WDHD1: variants seen among roughly 807,000 people sequenced by gnomAD.
WDHD1 encodes the protein WD repeat and HMG-box DNA binding protein 1.
A neutral mutation model predicts 135.4 loss-of-function variants in WDHD1; 111 were observed. The observed-to-expected ratio is 0.82, with a 90% CI of 0.70 to 0.96. The LOEUF is 0.96. Ranked by LOEUF, WDHD1 falls within the 40% of genes least tolerant of loss-of-function variation. The pLI, the probability that WDHD1 is intolerant of heterozygous loss-of-function variation, is 0.00. For synonymous variants in WDHD1, 434 were observed against 439.0 expected (o/e 0.99, Z 0.14); for missense variants, 1,351 against 1,336.3 (o/e 1.01, Z -0.17).
intron 11 of WDHD1, among the ~76,000 whole-genome samples, chr14:54,995,038 T>C (rs1460078804): frequency 1.3e-5 from 2 of 152,188 alleles, no homozygotes; most frequent in Admixed American, 6.6e-5. Flanking sequence ...TGGCATGCAG[T>C]TGACGCGATC....
Position 54,955,482 on chromosome 14 carries a change from A to AGCTGTT in WDHD1, c.3050+78_3050+79insAACAGC, listed in dbSNP as rs2041137234. On this transcript the variant is annotated intron_variant, in intron 24 of 25. Coordinates refer to ENST00000360586, the MANE Select transcript of WDHD1 (RefSeq NM_007086.4). ...TGTATTATTTGTATTAAGGAATAAC[A>AGCTGTT]GCATTGCATAATTTTGTATTGCTGC... The AGCTGTT allele has an allele frequency of 6.0e-6, 8 of 1,338,528 alleles. No individual in the cohort carries two copies. In the South Asian group the frequency reaches 1.8e-4, roughly 31 times the overall value. 82.9% of individuals were successfully genotyped at this position (1,338,528 alleles called of 1,614,324 possible).
rs529196091 is a variant in WDHD1, at chr14:55,011,893, C to T, written c.190-1433G>A. On this transcript the variant is annotated intron_variant, in intron 3 of 25. Coordinates refer to ENST00000360586, the MANE Select transcript of WDHD1 (RefSeq NM_007086.4). ...ACCCTTCAATTGTTTCCGACATTTGCTATTGTTATGAATTGTGCTTTTACT... is the reference window on the plus strand; with the variant it reads ...ACCCTTCAATTGTTTCCGACATTTGTTATTGTTATGAATTGTGCTTTTACT... Among the ~76,000 whole-genome samples the T allele has an allele frequency of 7.2e-5, 11 of 152,072 alleles. No individual in the cohort carries two copies. In the East Asian group the frequency reaches 1.9e-3, roughly 27 times the overall value.
chr14:54,966,744 T>G, intron 17 of WDHD1, 138 bp from the exon 18 acceptor site: 3 of 1,043,660 alleles, frequency 2.9e-6, no homozygotes, highest in Non-Finnish European at 2.6e-6. Flanking sequence ...TTTTACAATT[T>G]AAATTCTAGT....
intron 2 of WDHD1, among the ~76,000 whole-genome samples, chr14:55,015,295 G>A (rs1197389875): frequency 7.1e-6 from 1 of 140,568 alleles, no homozygotes; most frequent in Non-Finnish European, 1.5e-5. Context: ...GCTGAGGCAT[G>A]AGAATCATTT....
At chr14:54,988,433 G>A (rs1198562053) in intron 13 of WDHD1, among the ~76,000 whole-genome samples, 2 of 152,158 alleles carry the variant, frequency 1.3e-5, no homozygotes, top group Non-Finnish European at 2.9e-5. Context: ...AGGGATATAA[G>A]AAAACATTTT....
Position 54,972,208 on chromosome 14 carries a change from G to A in WDHD1, c.2064-4814C>T, listed in dbSNP as rs367969433. On this transcript the variant is annotated intron_variant, in intron 16 of 25. Coordinates refer to ENST00000360586, the MANE Select transcript of WDHD1 (RefSeq NM_007086.4). ...GAGAATGGGGTGAACCCGGGAGGCGGAGCTTGCGGTGAGCCGAGATCACAC... is the reference window on the plus strand; with the variant it reads ...GAGAATGGGGTGAACCCGGGAGGCGAAGCTTGCGGTGAGCCGAGATCACAC... Among the ~76,000 whole-genome samples the A allele has an allele frequency of 2.0e-4, 30 of 150,638 alleles. No homozygotes were observed. In the East Asian group the frequency reaches 5.9e-3, roughly 30 times the overall value.
In WDHD1 at chr14:55,008,654, T is replaced by A; in HGVS notation, c.407A>T (p.Asp136Val). Residue 136 changes from aspartate (D) to valine (V), a missense_variant, in exon 5 of 26, where the codon GAT becomes GTT. This residue lies in a region of WDHD1 where 1,330 missense variants were observed against 1,296.1 expected (regional missense o/e 1.03). Coordinates refer to ENST00000360586, the MANE Select transcript of WDHD1 (RefSeq NM_007086.4). ...SSQQKTFRGH[D>V]APVLSLSFDP... ...AAAGGAAAGACTTAAAACAGGGGCA[T>A]CATGTCCTCGAAATGTTTTCTGTTG... 1 of 1,613,196 alleles carries A rather than the reference T, an allele frequency of 6.2e-7. No individual in the cohort carries two copies. The highest frequency in any genetic ancestry group is 8.5e-7 in the Non-Finnish European group (1 of 1,179,798).
chr14:55,006,431 C>T (rs1249560097), intron 7 of WDHD1, among the ~76,000 whole-genome samples: 1 of 152,096 alleles, frequency 6.6e-6, no homozygotes, highest in Non-Finnish European at 1.5e-5. Flanking sequence ...TGTTTGTATA[C>T]AGGATAACAA....
At chr14:55,002,571 A>C (rs181246781) in intron 7 of WDHD1, among the ~76,000 whole-genome samples, 2 of 152,270 alleles carry the variant, frequency 1.3e-5, no homozygotes, top group Admixed American at 1.3e-4. Context: ...CACCCAAAAA[A>C]TGGAGAACTT....
intron 21 of WDHD1, among the ~76,000 whole-genome samples, chr14:54,961,637 C>T (rs1369301871): frequency 6.6e-6 from 1 of 152,194 alleles, no homozygotes; most frequent in Non-Finnish European, 1.5e-5. Flanking sequence ...GGCTAGATGA[C>T]AGCTATGTGT....
chr14:55,009,494 G>A (rs1019138909), intron 4 of WDHD1, among the ~76,000 whole-genome samples: 5 of 151,078 alleles, frequency 3.3e-5, no homozygotes, highest in African/African-American at 4.9e-5. Context: ...ACGCAATGGC[G>A]TGATCTCAGC....
In WDHD1 at chr14:54,991,215, T is replaced by C. The variant is rs960127218; in HGVS notation, c.1339A>G (p.Met447Val). Residue 447 changes from methionine to valine, a missense_variant and splice_region_variant, in exon 12 of 26, where the codon ATG becomes GTG. By Grantham distance (21) the Met-to-Val change is conservative. Transcript: ENST00000360586. ...TTAAGTGTAGATCCAAGTCTTACCA[T>C]GAATCTGTGAGTGAGATGCAACGGT... ...STPLHLTHRF[M>V]VWNSIGIIRC... is the part of the protein sequence containing the mutation. The C allele has an allele frequency of 1.3e-6, 2 of 1,493,898 alleles. No individual in the cohort carries two copies. Among genetic ancestry groups the C allele is most frequent in the African/African-American group, 1.5e-5 (1 of 66,046 alleles). 92.5% of individuals were successfully genotyped at this position (1,493,898 alleles called of 1,614,324 possible).
chr14:55,003,163 T>C (rs966297675), intron 7 of WDHD1, among the ~76,000 whole-genome samples: 3 of 152,110 alleles, frequency 2.0e-5, no homozygotes, highest in African/African-American at 7.2e-5. Flanking sequence ...AAAAAATACA[T>C]ACTACATTTC....
chr14:54,987,439 T>C (rs1188810298), intron 13 of WDHD1, 52 bp from the exon 14 acceptor site: 7 of 1,230,156 alleles, frequency 5.7e-6, no homozygotes, highest in Middle Eastern at 2.4e-4. Context: ...GATATTTACA[T>C]ATATATATAT....
chr14:54,963,639 C>T (rs907206119), intron 18 of WDHD1, among the ~76,000 whole-genome samples: 1 of 151,998 alleles, frequency 6.6e-6, no homozygotes. Flanking sequence ...CCCGTCTCTA[C>T]TAAAAACACA....
At chr14:54,988,786 G>T (rs1044849163) in intron 13 of WDHD1, among the ~76,000 whole-genome samples, 1 of 149,922 alleles carries the variant, frequency 6.7e-6, no homozygotes, top group African/African-American at 2.5e-5. Context: ...CCCATCTCTT[G>T]CATTACTAAC....
chr14:54,983,779 A>G (rs1274992243), intron 15 of WDHD1, among the ~76,000 whole-genome samples: 3 of 152,064 alleles, frequency 2.0e-5, no homozygotes, highest in Middle Eastern at 3.2e-3. Context: ...TCGGCCTCCC[A>G]GAGTGCTGGG....
rs1325016204 is a variant in WDHD1, at chr14:55,000,586, G to A, written c.859C>T (p.Arg287Ter). Reference sequence around the variant, plus strand: ...CCTTCCGCATCAGTATACGATATTCGACCACAAGTAGGATGCCATGCCAGA... The same window carrying A: ...CCTTCCGCATCAGTATACGATATTCAACCACAAGTAGGATGCCATGCCAGA... ...CGLAWHPTCG[R>*]ISYTDAEGNL... The change falls in exon 10 of 26, where the codon CGA (arginine) becomes TGA (stop). Residue 287 changes from arginine to a stop codon, truncating the protein, a stop_gained. Transcript: ENST00000360586. LOFTEE classifies it high-confidence loss of function. 5 of 1,605,220 alleles carry A rather than the reference G, an allele frequency of 3.1e-6. No individual in the cohort carries two copies. The highest frequency in any genetic ancestry group is 4.3e-6 in the Non-Finnish European group (5 of 1,175,598).
chr14:55,001,739 G>A (rs992933611), intron 8 of WDHD1, among the ~76,000 whole-genome samples: 3 of 152,154 alleles, frequency 2.0e-5, no homozygotes, highest in African/African-American at 2.4e-5. Flanking sequence ...AAATATCTAC[G>A]CATGTAAGAG....
Sources: allele counts gnomAD v4.1 joint callset (sites outside exome capture counted in the v4.1 genomes callset), GRCh38; gene constraint gnomAD v4.1.1; regional missense constraint gnomAD v4.1.1; transcripts MANE v1.5; gene names NCBI Gene and HGNC (gene_info 2026-07-23, HGNC 2026-07-21).